SPATC1: variants seen among roughly 807,000 people sequenced by gnomAD.
SPATC1 encodes the protein speriolin.
In SPATC1, 35 loss-of-function variants were observed where a neutral mutation model predicts 36.5. The observed-to-expected ratio is 0.96, with a 90% CI of 0.73 to 1.27. The LOEUF (loss-of-function observed/expected upper bound fraction) is 1.27, where lower values mean the gene tolerates loss of function less well. Ranked by LOEUF, SPATC1 falls within the 50% of genes most tolerant of loss-of-function variation. SPATC1 has a pLI of 0.00. For synonymous variants in SPATC1, 361 were observed against 353.6 expected, an observed-to-expected ratio of 1.02 and a Z score of -0.24; for missense variants, 779 against 796.0, an observed-to-expected ratio of 0.98 and a Z score of 0.26.
At chr8:144,038,059 C>T (rs1554755114) in intron 1 of SPATC1, among the ~76,000 whole-genome samples, 1 of 149,692 alleles carries the variant, frequency 6.7e-6, no homozygotes, top group East Asian at 2.0e-4. Flanking sequence ...CCCCGGGGGG[C>T]GGAGCCTTCA....
Position 144,012,600 on chromosome 8 carries a change from C to A in SPATC1, c.85C>A (p.Arg29=), listed in dbSNP as rs1273848629. The A allele has an allele frequency of 9.7e-6, 15 of 1,551,742 alleles. No individual in the cohort carries two copies. The highest frequency in any genetic ancestry group is 1.2e-5 in the Non-Finnish European group (14 of 1,146,998). Reference sequence around the variant, plus strand: ...AAATGAGGAACTGAAGAAGTTGGTGCGGCTCATTCGGGAGAATCACGAGCT... The same window carrying A: ...AAATGAGGAACTGAAGAAGTTGGTGAGGCTCATTCGGGAGAATCACGAGCT... ...RENEELKKLV[R]LIRENHELKS... is the part of the protein sequence containing the mutation. Residue 29 remains arginine (R), a synonymous_variant, in exon 1 of 5, where the codon CGG becomes AGG. Transcript: ENST00000377470.
chr8:144,044,989 T>C (rs928254197), intron 4 of SPATC1, among the ~76,000 whole-genome samples: 12 of 152,212 alleles, frequency 7.9e-5, no homozygotes, highest in Non-Finnish European at 1.5e-5. Context: ...CATTGAGATG[T>C]GAGTGCACTG....
chr8:144,030,796 T>C (rs1834778289), intron 1 of SPATC1, among the ~76,000 whole-genome samples: 2 of 152,314 alleles, frequency 1.3e-5, no homozygotes, highest in South Asian at 4.1e-4. Context: ...ATTTTAAAGT[T>C]ATTTTCTTAG....
intron 1 of SPATC1, among the ~76,000 whole-genome samples, chr8:144,025,681 A>G (rs1230842544): frequency 1.3e-5 from 2 of 152,148 alleles, no homozygotes; most frequent in Non-Finnish European, 2.9e-5. Context: ...ATGAACCCAA[A>G]GGTACCCTGT....
intron 1 of SPATC1, among the ~76,000 whole-genome samples, chr8:144,035,773 A>G (rs1834886222): frequency 6.6e-6 from 1 of 152,216 alleles, no homozygotes; most frequent in East Asian, 1.9e-4. Context: ...TGCTTCAAAC[A>G]TTAGGACCAC....
intron 4 of SPATC1, 104 bp downstream of exon 4, chr8:144,041,475 T>G: frequency 7.0e-7 from 1 of 1,428,162 alleles, no homozygotes; most frequent in Non-Finnish European, 9.4e-7. Context: ...ACCTGAGGAG[T>G]CCCTGGGATA....
intron 1 of SPATC1, among the ~76,000 whole-genome samples, chr8:144,039,085 T>A: frequency 6.6e-6 from 1 of 152,238 alleles, no homozygotes; most frequent in Non-Finnish European, 1.5e-5. Context: ...TCTTTCTCTA[T>A]AATAAGCATG....
intron 1 of SPATC1, among the ~76,000 whole-genome samples, chr8:144,037,142 G>A (rs868964089): frequency 0.028 from 3,362 of 120,592 alleles, 267 homozygotes; most frequent in African/African-American, 0.11. Flanking sequence ...CCGGGAGGGA[G>A]GTGGGGGGGT....
chr8:144,021,229 C>A (rs1182693819), intron 1 of SPATC1, among the ~76,000 whole-genome samples: 143 of 149,080 alleles, frequency 9.6e-4, no homozygotes, highest in African/African-American at 3.3e-3. Context: ...ACCGCCTTCC[C>A]TCAGGACCCT....
chr8:144,029,850 A>G (rs1834759397), intron 1 of SPATC1, among the ~76,000 whole-genome samples: 1 of 152,164 alleles, frequency 6.6e-6, no homozygotes, highest in Non-Finnish European at 1.5e-5. Flanking sequence ...TGAGTTCTCT[A>G]TATCCTTACT....
At chr8:144,031,870 C>T (rs1834804426) in intron 1 of SPATC1, among the ~76,000 whole-genome samples, 1 of 151,854 alleles carries the variant, frequency 6.6e-6, no homozygotes, top group Non-Finnish European at 1.5e-5. Context: ...AGGCATGTGC[C>T]ATCACATCCG....
At chr8:144,032,309 G>T (rs1211075190) in intron 1 of SPATC1, among the ~76,000 whole-genome samples, 1 of 151,966 alleles carries the variant, frequency 6.6e-6, no homozygotes, top group Non-Finnish European at 1.5e-5. Flanking sequence ...ATGGAGTCTT[G>T]CTCTGTCACC....
At chr8:144,033,427 T>C (rs958810202) in intron 1 of SPATC1, among the ~76,000 whole-genome samples, 1 of 151,700 alleles carries the variant, frequency 6.6e-6, no homozygotes, top group African/African-American at 2.4e-5. Flanking sequence ...GAAAGAAAAG[T>C]TAAAATGCCT....
rs369110335 is a variant in SPATC1, at chr8:144,040,692, G to C, written c.891G>C (p.Thr297=). ...CCATGGGCACACCTGCTCCCAAGAC[G>C]GCCTTCTCCTTCAACACTTCGGACA... ...IGAMGTPAPK[T]AFSFNTSDTQ... The change falls in exon 3 of 5, where the codon ACG becomes ACC. Residue 297 remains threonine (T), a synonymous_variant. Coordinates refer to ENST00000377470, the MANE Select transcript of SPATC1 (RefSeq NM_198572.3). 1.7e-5 allele frequency: 28 copies of C among 1,613,294 alleles called. 1 individual carries two copies. The South Asian group carries it at 2.5e-4, about 15-fold the overall frequency.
In SPATC1 at chr8:144,041,680, G is replaced by A. The variant is rs1378693127; in HGVS notation, c.1446+309G>A. 4.6e-5 allele frequency among the ~76,000 whole-genome samples: 7 copies of A among 152,202 alleles called. No homozygotes were observed. In the South Asian group the frequency reaches 6.2e-4, roughly 13 times the overall value. ...GCTTTGCCAGCATGCCGGAGTGTGCGTCTGTGCCATGCGTGTGGCAGGCTG... is the reference window on the plus strand; with the variant it reads ...GCTTTGCCAGCATGCCGGAGTGTGCATCTGTGCCATGCGTGTGGCAGGCTG... On this transcript the variant is annotated intron_variant, in intron 4 of 4. Coordinates refer to ENST00000377470, the MANE Select transcript of SPATC1 (RefSeq NM_198572.3).
At chr8:144,034,509 GA>G (rs1246184772) in intron 1 of SPATC1, among the ~76,000 whole-genome samples, 27 of 150,958 alleles carry the variant, frequency 1.8e-4, no homozygotes, top group African/African-American at 5.6e-4. Context: ...ATATAAAGAA[GA>G]AAAAAAATTA....
intron 4 of SPATC1, among the ~76,000 whole-genome samples, chr8:144,042,284 A>AATATATATATATATATATATATATAT (rs1554756220): frequency 5.5e-5 from 2 of 36,302 alleles, no homozygotes; most frequent in African/African-American, 3.2e-4. Context: ...ACGCCCAGCT[A>AATATATATATATATATATATATATAT]ATATATATAT....
At chr8:144,019,625 A>T (rs1484985975) in intron 1 of SPATC1, among the ~76,000 whole-genome samples, 2 of 152,006 alleles carry the variant, frequency 1.3e-5, no homozygotes, top group Non-Finnish European at 2.9e-5. Context: ...AGCTGGGGAG[A>T]CAAGAAATGA....
chr8:144,020,592 C>T, intron 1 of SPATC1, among the ~76,000 whole-genome samples: 1 of 151,728 alleles, frequency 6.6e-6, no homozygotes, highest in Non-Finnish European at 1.5e-5. Flanking sequence ...CCCCTCAGAA[C>T]CCTCTCCCCT....
Sources: gnomAD v4.1 joint callset for allele counts (sites outside exome capture counted in the v4.1 genomes callset) on GRCh38, gnomAD v4.1.1 for gene constraint, MANE v1.5 for transcripts, NCBI Gene and HGNC (gene_info 2026-07-23, HGNC 2026-07-21) for gene names.